Variants in RELL1 observed in about 807,000 individuals in gnomAD.
RELL1 encodes the protein RELT-like protein 1.
A neutral mutation model predicts 23.0 loss-of-function variants in RELL1; 10 were observed. The ratio of observed to expected loss-of-function variants is 0.43; its 90% CI spans 0.27 to 0.74. RELL1 has a LOEUF of 0.74. RELL1 is among the 30% of genes least tolerant of loss of function. The pLI, the probability that RELL1 is intolerant of heterozygous loss-of-function variation, is 0.19. For missense variants in RELL1, 315 were observed against 364.4 expected, an observed-to-expected ratio of 0.86 and a Z score of 1.10; for synonymous variants, 146 against 146.8, an observed-to-expected ratio of 0.99 and a Z score of 0.04.
At chr4:37,651,913 T>C (rs1246304442) in intron 1 of RELL1, among the ~76,000 whole-genome samples, 1 of 152,134 alleles carries the variant, frequency 6.6e-6, no homozygotes, top group Non-Finnish European at 1.5e-5. Flanking sequence ...TCTTCTTGGG[T>C]GCGCTACAAG....
At chr4:37,668,814 C>G (rs567917685) in intron 1 of RELL1, among the ~76,000 whole-genome samples, 1 of 145,612 alleles carries the variant, frequency 6.9e-6, no homozygotes, top group Non-Finnish European at 1.5e-5. Context: ...AAGTGAGGAG[C>G]GTCTCTCCCC....
chr4:37,656,277 G>A (rs1049441406), intron 1 of RELL1, among the ~76,000 whole-genome samples: 1 of 152,158 alleles, frequency 6.6e-6, no homozygotes, highest in African/African-American at 2.4e-5. Context: ...ATACAATTCT[G>A]TTTATATATG....
At chr4:37,651,049 GA>G (rs1720914495) in intron 1 of RELL1, among the ~76,000 whole-genome samples, 3 of 106,046 alleles carry the variant, frequency 2.8e-5, no homozygotes, top group Non-Finnish European at 5.8e-5. Flanking sequence ...GACAGAGCAA[GA>G]CTGTCTCAAA....
At chr4:37,647,978 C>T (rs1303145944) in intron 2 of RELL1, among the ~76,000 whole-genome samples, 1 of 152,106 alleles carries the variant, frequency 6.6e-6, no homozygotes, top group East Asian at 1.9e-4. Flanking sequence ...GGACTCTGTA[C>T]CAGGAGCATA....
chr4:37,593,624 G>C (rs1024148181), intron 6 of RELL1, among the ~76,000 whole-genome samples: 1 of 152,222 alleles, frequency 6.6e-6, no homozygotes, highest in Non-Finnish European at 1.5e-5. Context: ...CTAGGAAATC[G>C]TCTTGCTAGT....
chr4:37,631,105 A>G (rs916374144), intron 6 of RELL1, among the ~76,000 whole-genome samples: 4 of 152,154 alleles, frequency 2.6e-5, no homozygotes, highest in African/African-American at 7.2e-5. Context: ...CTAGTTTGCC[A>G]CAATCCCCAC....
downstream of RELL1, chr4:37,590,026 C>A: frequency 8.7e-7 from 1 of 1,152,770 alleles, no homozygotes; most frequent in Non-Finnish European, 1.3e-6. Flanking sequence ...AGAAGCAGGG[C>A]CTGTGGTAAA....
intron 6 of RELL1, among the ~76,000 whole-genome samples, chr4:37,629,143 C>A (rs564144595): frequency 1.3e-5 from 2 of 152,284 alleles, no homozygotes; most frequent in African/African-American, 4.8e-5. Flanking sequence ...CTGGTGCAAT[C>A]GGCTCCATCT....
intron 1 of RELL1, among the ~76,000 whole-genome samples, chr4:37,668,360 C>A (rs1281017040): frequency 6.6e-6 from 1 of 152,220 alleles, no homozygotes; most frequent in African/African-American, 2.4e-5. Context: ...CGATTGTAGG[C>A]CCGCGCCGCC....
At chr4:37,669,066 C>T (rs1173962119) in intron 1 of RELL1, among the ~76,000 whole-genome samples, 4 of 132,168 alleles carry the variant, frequency 3.0e-5, no homozygotes, top group African/African-American at 1.3e-4. Flanking sequence ...GGGGGGTCAG[C>T]CCCCCGCCTG....
chr4:37,668,838 C>G (rs187369625), intron 1 of RELL1, among the ~76,000 whole-genome samples: 8,105 of 140,398 alleles, frequency 0.058, 531 homozygotes, highest in African/African-American at 0.18. Flanking sequence ...CGCCCATCGT[C>G]TGAGATGTGG....
At chr4:37,669,306 C>T (rs1426588415) in intron 1 of RELL1, among the ~76,000 whole-genome samples, 1 of 148,024 alleles carries the variant, frequency 6.8e-6, no homozygotes, top group East Asian at 2.0e-4. Context: ...GCCGCCTCTA[C>T]TGGGAAGTGA....
At chr4:37,593,118 A>G (rs967009024) in intron 6 of RELL1, among the ~76,000 whole-genome samples, 1 of 152,234 alleles carries the variant, frequency 6.6e-6, no homozygotes, top group African/African-American at 2.4e-5. Context: ...TGTTAATTGC[A>G]TTAGAGGTAT....
chr4:37,678,893 G>T (rs1722111493), intron 1 of RELL1, among the ~76,000 whole-genome samples: 1 of 152,176 alleles, frequency 6.6e-6, no homozygotes, highest in Non-Finnish European at 1.5e-5. Flanking sequence ...CCACAAGAGT[G>T]CACAAACAAA....
At chr4:37,637,514 G>A (rs918109338) in intron 4 of RELL1, among the ~76,000 whole-genome samples, 3 of 152,140 alleles carry the variant, frequency 2.0e-5, no homozygotes, top group Non-Finnish European at 1.5e-5. Flanking sequence ...TCCACCTCCT[G>A]CACGCCTGGT....
chr4:37,610,944 C>CGTAT lies in RELL1; in HGVS notation c.*2398_*2401dup, dbSNP rs1719354222. 6.6e-6 allele frequency among the ~76,000 whole-genome samples: 1 copy of CGTAT among 152,140 alleles called. No homozygotes were observed. Among genetic ancestry groups the CGTAT allele is most frequent in the South Asian group, 2.1e-4 (1 of 4,832 alleles). On this transcript the variant is annotated 3_prime_UTR_variant, in exon 7 of 7. Coordinates refer to ENST00000454158, the MANE Select transcript of RELL1 (RefSeq NM_001085400.2). This position sits in a 1 kb window ranked among gnomAD's most constrained non-coding sequence, Gnocchi z 4.1. The stretch of plus-strand genomic sequence containing the variant: ...TAGTTCAGTATAAACCAGTAAAAAG[C>CGTAT]GTATGTGTTGAAAATACTGAACGCT...
At chr4:37,623,483 G>C (rs1479561497) in intron 6 of RELL1, 1 of 152,576 alleles carries the variant, frequency 6.6e-6, no homozygotes, top group Non-Finnish European at 1.5e-5. Flanking sequence ...TGAGATATGG[G>C]GAACATTAAT....
chr4:37,617,330 T>C (rs1358802254), intron 6 of RELL1, among the ~76,000 whole-genome samples: 1 of 152,198 alleles, frequency 6.6e-6, no homozygotes, highest in African/African-American at 2.4e-5. Flanking sequence ...CTAATGTTTT[T>C]CAACTGATTA....
At chr4:37,657,645 T>C (rs1721171981) in intron 1 of RELL1, among the ~76,000 whole-genome samples, 1 of 152,074 alleles carries the variant, frequency 6.6e-6, no homozygotes, top group Non-Finnish European at 1.5e-5. Context: ...CCTTTTAACA[T>C]AAAAAGCAAG....
Sources: gnomAD v4.1 joint callset for allele counts (sites outside exome capture counted in the v4.1 genomes callset) on GRCh38, gnomAD v4.1.1 for gene constraint, Gnocchi (gnomAD v3.1) non-coding constraint, MANE v1.5 for transcripts, NCBI Gene and HGNC (gene_info 2026-07-23, HGNC 2026-07-21) for gene names.